The following GALNT10 variants were observed in gnomAD, a reference collection of about 807,000 sequenced individuals.
GALNT10 encodes the protein polypeptide N-acetylgalactosaminyltransferase 10, also known as GalNAc transferase 10.
GALNT10 carries 41 observed loss-of-function variants against 75.0 expected under a neutral mutation model. That is an observed-to-expected ratio of 0.55 (90% confidence interval 0.43 to 0.71). GALNT10 has a LOEUF of 0.71. GALNT10 is among the 30% of genes least tolerant of loss of function. The probability of loss-of-function intolerance (pLI) is 0.00; values close to 1 mark genes in which losing one functional copy is unlikely to be tolerated. For synonymous variants in GALNT10, 302 were observed against 313.0 expected, an observed-to-expected ratio of 0.96 and a Z score of 0.37; for missense variants, 727 against 818.5, an observed-to-expected ratio of 0.89 and a Z score of 1.36.
At chr5:154,247,859 G>T (rs1211889412) in intron 1 of GALNT10, among the ~76,000 whole-genome samples, 1 of 152,204 alleles carries the variant, frequency 6.6e-6, no homozygotes, top group African/African-American at 2.4e-5. Context: ...TTGAATAGGA[G>T]TGGTGAGAGA....
chr5:154,303,583 CCTAATT>C (rs1754390320), intron 3 of GALNT10, among the ~76,000 whole-genome samples: 2 of 152,198 alleles, frequency 1.3e-5, no homozygotes, highest in African/African-American at 2.4e-5. Context: ...TGGAAAACCT[CCTAATT>C]CATAACTCAT....
intron 1 of GALNT10, among the ~76,000 whole-genome samples, chr5:154,290,286 A>G (rs909353434): frequency 1.4e-5 from 1 of 72,412 alleles, no homozygotes; most frequent in Non-Finnish European, 2.8e-5. Flanking sequence ...TTTTTTTTGT[A>G]TTTTTAGTAG....
In GALNT10 at chr5:154,419,719, T is replaced by C. The variant is rs868102838; in HGVS notation, c.*2747T>C. Reference sequence around the variant, plus strand: ...TCCATTTCATGGACCAACTGATCAATTGCCAGTACTAAGCCACTCATTGTT... The same window carrying C: ...TCCATTTCATGGACCAACTGATCAACTGCCAGTACTAAGCCACTCATTGTT... On this transcript the variant is annotated 3_prime_UTR_variant, in exon 12 of 12. Coordinates refer to ENST00000297107, the MANE Select transcript of GALNT10 (RefSeq NM_198321.4). The C allele has an allele frequency of 2.6e-5, 4 of 152,338 alleles. No homozygotes were observed. Among genetic ancestry groups the C allele is most frequent in the South Asian group, 4.1e-4 (2 of 4,828 alleles). 9.4% of individuals were successfully genotyped at this position (152,338 alleles called of 1,614,324 possible).
intron 1 of GALNT10, among the ~76,000 whole-genome samples, chr5:154,240,957 G>A (rs1395070549): frequency 1.3e-5 from 2 of 152,098 alleles, no homozygotes; most frequent in Non-Finnish European, 2.9e-5. Context: ...ATCAAATAAG[G>A]TAATGTTCAG....
intron 8 of GALNT10, among the ~76,000 whole-genome samples, chr5:154,405,586 C>T (rs1269040249): frequency 6.6e-6 from 1 of 152,148 alleles, no homozygotes; most frequent in East Asian, 1.9e-4. Flanking sequence ...GACTGAGACT[C>T]TTCCGGCTAC....
At chr5:154,219,817 C>G (rs539200765) in intron 1 of GALNT10, 1 of 75,716 alleles carries the variant, frequency 1.3e-5, no homozygotes, top group South Asian at 4.1e-4. Flanking sequence ...CTCGCGCTCT[C>G]TCTCTCTCTC....
intron 4 of GALNT10, among the ~76,000 whole-genome samples, chr5:154,374,094 C>T (rs1755620202): frequency 6.6e-6 from 1 of 152,108 alleles, no homozygotes; most frequent in African/African-American, 2.4e-5. Flanking sequence ...GACCAAACAG[C>T]AGCATATTTG....
At chr5:154,389,945 A>G (rs867587079) in intron 7 of GALNT10, among the ~76,000 whole-genome samples, 5 of 152,290 alleles carry the variant, frequency 3.3e-5, no homozygotes, top group South Asian at 4.1e-4. Flanking sequence ...GCATCCTACT[A>G]ATGAGAACTA....
chr5:154,404,742 T>C (rs901518880), intron 8 of GALNT10, among the ~76,000 whole-genome samples: 1 of 152,134 alleles, frequency 6.6e-6, no homozygotes, highest in East Asian at 1.9e-4. Context: ...TGGTGTGGTG[T>C]GTTTGGGAAA....
intron 1 of GALNT10, among the ~76,000 whole-genome samples, chr5:154,241,358 A>G (rs1350630927): frequency 6.6e-6 from 1 of 152,230 alleles, no homozygotes; most frequent in Non-Finnish European, 1.5e-5. Context: ...CAACAGCAAC[A>G]TAATCTCATT....
intron 4 of GALNT10, among the ~76,000 whole-genome samples, chr5:154,345,521 C>T (rs536547410): frequency 1.3e-5 from 2 of 152,040 alleles, no homozygotes; most frequent in South Asian, 4.2e-4. Context: ...TTTTAGATTC[C>T]TCATATGAGT....
chr5:154,292,641 T>C (rs1246076823), intron 1 of GALNT10, among the ~76,000 whole-genome samples: 1 of 152,214 alleles, frequency 6.6e-6, no homozygotes, highest in East Asian at 1.9e-4. Flanking sequence ...CTGTCTGTGG[T>C]ATAGGGAAGT....
intron 7 of GALNT10, chr5:154,392,168 C>G (rs777328430): frequency 6.6e-6 from 1 of 152,328 alleles, no homozygotes; most frequent in African/African-American, 2.4e-5. Flanking sequence ...CTGTACACTC[C>G]TGAAATGCCA....
intron 1 of GALNT10, among the ~76,000 whole-genome samples, chr5:154,220,953 C>T (rs1185800191): frequency 1.3e-5 from 2 of 152,130 alleles, no homozygotes. Flanking sequence ...TATGGACTGT[C>T]CTGAGTTTTA....
chr5:154,210,096 C>T (rs1044387169), intron 1 of GALNT10, among the ~76,000 whole-genome samples: 3 of 152,180 alleles, frequency 2.0e-5, no homozygotes, highest in African/African-American at 7.2e-5. Context: ...TCTCTCCATG[C>T]AGCAGTCAGA....
intron 1 of GALNT10, among the ~76,000 whole-genome samples, chr5:154,277,220 T>A (rs2113047833): frequency 6.6e-6 from 1 of 152,048 alleles, no homozygotes; most frequent in South Asian, 2.1e-4. Flanking sequence ...TGGCTCTCTG[T>A]CAGCTGTCTA....
At chr5:154,308,936 C>T (rs903394939) in intron 3 of GALNT10, among the ~76,000 whole-genome samples, 1 of 152,160 alleles carries the variant, frequency 6.6e-6, no homozygotes, top group African/African-American at 2.4e-5. Context: ...GTCAAAATCT[C>T]CTTCCCTCCT....
chr5:154,384,099 A>G (rs1755774005), intron 6 of GALNT10, among the ~76,000 whole-genome samples: 2 of 152,176 alleles, frequency 1.3e-5, no homozygotes, highest in Admixed American at 6.5e-5. Context: ...CACTATCATG[A>G]GAACAGCAGC....
At chr5:154,238,305 A>T (rs1354746986) in intron 1 of GALNT10, among the ~76,000 whole-genome samples, 1 of 152,148 alleles carries the variant, frequency 6.6e-6, no homozygotes, top group Non-Finnish European at 1.5e-5. Context: ...TTAAAAAAAA[A>T]AAAAAGCCTA....
Sources: allele counts gnomAD v4.1 joint callset (sites outside exome capture counted in the v4.1 genomes callset), GRCh38; gene constraint gnomAD v4.1.1; transcripts MANE v1.5; gene names NCBI Gene and HGNC (gene_info 2026-07-23, HGNC 2026-07-21).